The following CNBD2 variants were observed in gnomAD, a reference collection of about 807,000 sequenced individuals.
The protein encoded by CNBD2 is cyclic nucleotide-binding domain-containing protein 2.
A neutral mutation model predicts 63.7 loss-of-function variants in CNBD2; 64 were observed. The observed-to-expected ratio is 1.00, with a 90% CI of 0.82 to 1.24. The LOEUF is 1.24. CNBD2 is among the 50% of genes most tolerant of loss of function. The pLI, the probability that CNBD2 is intolerant of heterozygous loss-of-function variation, is 0.00. For missense variants in CNBD2, 691 were observed against 713.5 expected, an observed-to-expected ratio of 0.97 and a Z score of 0.36; for synonymous variants, 229 against 255.4, an observed-to-expected ratio of 0.90 and a Z score of 0.99.
upstream of CNBD2, among the ~76,000 whole-genome samples, chr20:35,967,289 G>A (rs549595782): frequency 6.7e-5 from 8 of 119,688 alleles, no homozygotes; most frequent in South Asian, 5.4e-4. Context: ...TTGCTCTGTC[G>A]TTCAGGCTGG....
At chr20:36,013,154 C>G (rs2057084812) in intron 10 of CNBD2, among the ~76,000 whole-genome samples, 1 of 152,206 alleles carries the variant, frequency 6.6e-6, no homozygotes, top group Non-Finnish European at 1.5e-5. Flanking sequence ...CATAGTGGCT[C>G]ACGCCTGTAA....
At chr20:35,957,904 G>T (rs2056272152), downstream of CNBD2, 1 of 152,152 alleles carries the variant, frequency 6.6e-6, no homozygotes, top group African/African-American at 2.4e-5. Flanking sequence ...ATATCACTTA[G>T]CTTCCAACAC....
chr20:35,976,131 G>C, intron 3 of CNBD2, 129 bp downstream of exon 3: 1 of 758,388 alleles, frequency 1.3e-6, no homozygotes. Context: ...TTGTCACCCT[G>C]GGTTGGCCAC....
rs564422157 is a variant in CNBD2, at chr20:35,971,238, G to C, written c.52-1391G>C. Among the ~76,000 whole-genome samples, 488 of 151,640 alleles carry C rather than the reference G, an allele frequency of 3.2e-3. 2 individuals carry two copies. The highest frequency in any genetic ancestry group is 8.4e-3 in the East Asian group (43 of 5,094). On this transcript the variant is annotated intron_variant, in intron 1 of 11. Coordinates refer to ENST00000373973, the MANE Select transcript of CNBD2 (RefSeq NM_001365709.1). Reference sequence around the variant, plus strand: ...CTGGGTTTACAGGCATGAGCCACCGGGCCCAGCCTGGCTTTATGTATTTGT... The same window carrying C: ...CTGGGTTTACAGGCATGAGCCACCGCGCCCAGCCTGGCTTTATGTATTTGT...
intron 10 of CNBD2, among the ~76,000 whole-genome samples, chr20:36,013,831 A>T (rs986658595): frequency 1.3e-5 from 2 of 152,216 alleles, no homozygotes; most frequent in African/African-American, 4.8e-5. Context: ...AGTTGAAAAC[A>T]TCAGTAGTCA....
At chr20:35,998,458 GA>G (rs1373081390) in intron 8 of CNBD2, among the ~76,000 whole-genome samples, 2 of 152,148 alleles carry the variant, frequency 1.3e-5, no homozygotes, top group African/African-American at 4.8e-5. Context: ...ATTTGCATTT[GA>G]AAAAAACTTG....
intron 9 of CNBD2, among the ~76,000 whole-genome samples, chr20:36,010,458 A>G (rs146960211): frequency 3.1e-4 from 47 of 151,872 alleles, no homozygotes; most frequent in Non-Finnish European, 4.9e-4. Context: ...AAAAAAAAAA[A>G]AAAAGAAAAG....
Position 36,008,446 on chromosome 20 carries a change from C to G in CNBD2, c.1120C>G (p.Leu374Val), listed in dbSNP as rs534620081. 2 of 1,613,326 alleles carry G rather than the reference C, an allele frequency of 1.2e-6. No individual in the cohort carries two copies. The highest frequency in any genetic ancestry group is 2.2e-5 in the South Asian group (2 of 90,952). Residue 374 changes from leucine to valine, a missense_variant, in exon 9 of 12, where the codon CTC (leucine) becomes GTC (valine). Coordinates refer to ENST00000373973, the MANE Select transcript of CNBD2 (RefSeq NM_001365709.1). ...GAAGATCAGAACCTCAGGAGACACTCTCCCCAAGATGCTGGGCCCGAAGAT... is the reference window on the plus strand; with the variant it reads ...GAAGATCAGAACCTCAGGAGACACTGTCCCCAAGATGCTGGGCCCGAAGAT... ...SRKIRTSGDT[L>V]PKMLGPKIQS...
intron 4 of CNBD2, among the ~76,000 whole-genome samples, chr20:35,981,554 G>C (rs1181535874): frequency 1.3e-5 from 2 of 151,966 alleles, no homozygotes; most frequent in Non-Finnish European, 2.9e-5. Flanking sequence ...TTCCACCTCG[G>C]CCTCCTTTGT....
rs562037504 is a variant in CNBD2 at position 36,011,209 on chromosome 20, A to C, written c.1221A>C (p.Ala407=). The C allele has an allele frequency of 1.5e-5, 24 of 1,596,622 alleles. No homozygotes were observed. The highest frequency in any genetic ancestry group is 8.6e-5 in the Admixed American group (5 of 57,950). The change falls in exon 10 of 12, where the codon GCA becomes GCC. Residue 407 remains alanine (A), a synonymous_variant. Transcript: ENST00000373973. The part of the protein sequence containing the change: ...IKPGELPKEA[A]VGAYVKVHTV... The stretch of plus-strand genomic sequence containing the variant: ...CTGGTGAGCTCCCCAAGGAGGCTGC[A>C]GTGGGGGCCTACGTGAAGGTGCACA...
rs531349073 is a variant in CNBD2, at chr20:35,968,776, T to C, written c.14T>C (p.Met5Thr). ...TGCACAGGAACCATGAGGAGACATATGGTAACTTATGCCTGGCAGCTCCTG... is the reference window on the plus strand; with the variant it reads ...TGCACAGGAACCATGAGGAGACATACGGTAACTTATGCCTGGCAGCTCCTG... Reference protein sequence around the residue: MRRHMVTYAWQLLKK... With the variant: MRRHTVTYAWQLLKK... The change falls in exon 1 of 12, where the codon ATG becomes ACG. Residue 5 changes from methionine (M) to threonine (T), a missense_variant. Physicochemically the swap from Met to Thr is moderately conservative, Grantham distance 81. Transcript: ENST00000373973. The C allele has an allele frequency of 6.2e-6, 10 of 1,609,186 alleles. No homozygotes were observed. In the South Asian group the frequency reaches 1.1e-4, roughly 18 times the overall value.
chr20:36,020,594 G>A (rs897550036), intron 10 of CNBD2, among the ~76,000 whole-genome samples: 7 of 152,162 alleles, frequency 4.6e-5, no homozygotes, highest in East Asian at 3.8e-4. Flanking sequence ...ATGATTGACC[G>A]TGGATAGGTA....
intron 7 of CNBD2, 75 bp downstream of exon 7, chr20:35,987,608 G>C: frequency 6.5e-7 from 1 of 1,538,452 alleles, no homozygotes; most frequent in Non-Finnish European, 8.9e-7. Context: ...TGACCTGATG[G>C]TCAGAGTTTG....
intron 10 of CNBD2, among the ~76,000 whole-genome samples, chr20:36,022,958 GA>G (rs1251537672): frequency 1.3e-5 from 2 of 152,124 alleles, no homozygotes; most frequent in African/African-American, 4.8e-5. Context: ...CTAAGGAAGA[GA>G]AAAGAGATTT....
At chr20:35,995,284 G>T in intron 8 of CNBD2, 132 bp downstream of exon 8, 1 of 572,996 alleles carries the variant, frequency 1.7e-6, no homozygotes, top group Admixed American at 3.2e-5. Flanking sequence ...TTCTACCAGC[G>T]GTGGAAACCC....
intron 8 of CNBD2, 57 bp downstream of exon 8, chr20:35,995,209 G>C: frequency 1.7e-6 from 2 of 1,177,008 alleles, no homozygotes; most frequent in South Asian, 1.2e-5. Context: ...CCTGTTTCCA[G>C]TTCCCAGCAC....
chr20:36,007,535 CT>C (rs998706285), intron 8 of CNBD2, among the ~76,000 whole-genome samples: 4 of 151,840 alleles, frequency 2.6e-5, no homozygotes, highest in African/African-American at 9.7e-5. Context: ...ATCTGCAATT[CT>C]TTTTTTTGAG....
upstream of CNBD2, among the ~76,000 whole-genome samples, chr20:35,963,629 ACT>A (rs2056324119): frequency 6.6e-6 from 1 of 151,974 alleles, no homozygotes; most frequent in Non-Finnish European, 1.5e-5. Flanking sequence ...CAAAAGAGAG[ACT>A]CTGTCTCAAA....
chr20:35,971,375 C>T lies in CNBD2; in HGVS notation c.52-1254C>T, dbSNP rs189408760. 5.3e-5 allele frequency among the ~76,000 whole-genome samples: 8 copies of T among 152,230 alleles called. No individual in the cohort carries two copies. The East Asian group carries it at 7.7e-4, about 15-fold the overall frequency. Reference sequence around the variant, plus strand: ...AATACCACTATCATACTAAGAAAATCGGCACTGATTTCCTAATATTATCTA... The same window carrying T: ...AATACCACTATCATACTAAGAAAATTGGCACTGATTTCCTAATATTATCTA... On this transcript the variant is annotated intron_variant, in intron 1 of 11. Coordinates refer to ENST00000373973, the MANE Select transcript of CNBD2 (RefSeq NM_001365709.1).
Sources: gnomAD v4.1 joint callset for allele counts (sites outside exome capture counted in the v4.1 genomes callset) on GRCh38, gnomAD v4.1.1 for gene constraint, MANE v1.5 for transcripts, NCBI Gene and HGNC (gene_info 2026-07-23, HGNC 2026-07-21) for gene names.